The following KRT72 variants were observed in gnomAD, a reference collection of about 807,000 sequenced individuals.
KRT72 encodes the protein keratin 72.
KRT72 carries 44 observed loss-of-function variants against 44.7 expected under a neutral mutation model. That is an observed-to-expected ratio of 0.98 (90% CI 0.77 to 1.27). The LOEUF (loss-of-function observed/expected upper bound fraction) is 1.27, where lower values mean the gene tolerates loss of function less well. KRT72 is among the 50% of genes most tolerant of loss of function. The pLI, the probability that KRT72 is intolerant of heterozygous loss-of-function variation, is 0.00. For synonymous variants in KRT72, 302 were observed against 280.4 expected, an observed-to-expected ratio of 1.08 and a Z score of -0.77; for missense variants, 736 against 667.1, an observed-to-expected ratio of 1.10 and a Z score of -1.14.
chr12:52,597,172 G>C (rs1940254069), intron 2 of KRT72, among the ~76,000 whole-genome samples: 1 of 152,164 alleles, frequency 6.6e-6, no homozygotes, highest in African/African-American at 2.4e-5. Flanking sequence ...TTACACTTAT[G>C]ATTAAAAGGT....
At chr12:52,599,258 G>A (rs1432259682) in intron 1 of KRT72, 146 bp from the exon 2 acceptor site, 1 of 738,610 alleles carries the variant, frequency 1.4e-6, no homozygotes, top group South Asian at 1.5e-5. Flanking sequence ...ATTCAGCCGA[G>A]GGACATGCTC....
At chr12:52,599,170 G>T in intron 1 of KRT72, 58 bp from the exon 2 acceptor site, 1 of 1,565,420 alleles carries the variant, frequency 6.4e-7, no homozygotes, top group Non-Finnish European at 8.8e-7. Flanking sequence ...CTCAAGAGTG[G>T]GGAAAGGGCC....
chr12:52,591,476 C>G lies in KRT72; in HGVS notation c.951G>C (p.Leu317=). Residue 317 remains leucine, a synonymous_variant, in exon 5 of 9, where the codon CTG becomes CTC. Transcript: ENST00000293745. The part of the protein sequence containing the change: ...ALKSKAEAET[L]YQTKIQELQV... The stretch of plus-strand genomic sequence containing the variant: ...GGCACCAGCTCACCTTGGTCTGGTA[C>G]AGGGTCTCAGCCTCGGCCTTGCTCT... 3 of 1,613,754 alleles carry G rather than the reference C, an allele frequency of 1.9e-6. No homozygotes were observed. The highest frequency in any genetic ancestry group is 2.5e-6 in the Non-Finnish European group (3 of 1,179,744).
At chr12:52,594,635 A>G (rs1033130586) in intron 2 of KRT72, among the ~76,000 whole-genome samples, 1 of 152,190 alleles carries the variant, frequency 6.6e-6, no homozygotes, top group Admixed American at 6.5e-5. Context: ...TAGCATTGGG[A>G]GAAACACCCA....
rs774854917 is a variant in KRT72, at chr12:52,598,937, A to G, written c.602T>C (p.Leu201Pro). ...SGDGVRLDSE[L>P]RNMQDLVEDY... is the part of the protein sequence containing the mutation. ...CTCCACCAAATCCTGCATGTTCCTC[A>G]GCTCCGAATCCAGCCTCACCCCGTC... Residue 201 changes from leucine to proline, a missense_variant, in exon 2 of 9, where the codon CTG becomes CCG. Coordinates refer to ENST00000293745, the MANE Select transcript of KRT72 (RefSeq NM_080747.3). 6.2e-7 allele frequency: 1 copy of G among 1,614,170 alleles called. No homozygotes were observed.
chr12:52,590,467 C>T (rs1363418053), intron 6 of KRT72, among the ~76,000 whole-genome samples: 1 of 152,216 alleles, frequency 6.6e-6, no homozygotes, highest in Non-Finnish European at 1.5e-5. Flanking sequence ...TCCCTGCCAC[C>T]CCTGCTGAGC....
Position 52,587,679 on chromosome 12 carries a change from T to G in KRT72, c.1262A>C (p.Asp421Ala). 1.2e-6 allele frequency: 2 copies of G among 1,614,152 alleles called. No homozygotes were observed. Among genetic ancestry groups the G allele is most frequent in the Non-Finnish European group, 1.7e-6 (2 of 1,180,024 alleles). Residue 421 changes from aspartate to alanine, a missense_variant, in exon 7 of 9, where the codon GAT becomes GCT. Physicochemically the swap from Asp to Ala is moderately radical, Grantham distance 126. Transcript: ENST00000293745. Reference protein sequence around the residue: ...QELVSLKLALDMEIATYRKLL... With the variant: ...QELVSLKLALAMEIATYRKLL... ...CTTGCGGTAGGTGGCGATCTCCATA[T>G]CCAGGGCCAGCTTCAGGCTCACGAG... is the stretch of plus-strand genomic sequence containing the variant.
intron 3 of KRT72, among the ~76,000 whole-genome samples, 198 bp downstream of exon 3, chr12:52,592,694 A>C (rs1340313419): frequency 6.6e-6 from 1 of 152,206 alleles, no homozygotes; most frequent in Non-Finnish European, 1.5e-5. Context: ...AAATGCCCAG[A>C]TTTTAGACTG....
chr12:52,592,909 A>T lies in KRT72; in HGVS notation c.685T>A (p.Phe229Ile), dbSNP rs780161227. Residue 229 changes from phenylalanine to isoleucine, a missense_variant, in exon 3 of 9, where the codon TTT becomes ATT. Phe to Ile is a conservative substitution (Grantham distance 21). Coordinates refer to ENST00000293745, the MANE Select transcript of KRT72 (RefSeq NM_080747.3). ...CCTCTTACCTTCTTGAGCACCACAAACTCATTCTCAGCAGCTGTGCGTCTG... is the reference window on the plus strand; with the variant it reads ...CCTCTTACCTTCTTGAGCACCACAATCTCATTCTCAGCAGCTGTGCGTCTG... ...INRRTAAENE[F>I]VVLKKDVDAA... 6.2e-7 allele frequency: 1 copy of T among 1,613,408 alleles called. No individual in the cohort carries two copies. The highest frequency in any genetic ancestry group is 8.5e-7 in the Non-Finnish European group (1 of 1,179,740).
intron 2 of KRT72, among the ~76,000 whole-genome samples, chr12:52,596,827 A>G (rs1420841845): frequency 6.6e-6 from 1 of 152,216 alleles, no homozygotes; most frequent in African/African-American, 2.4e-5. Context: ...CTGGGATTAC[A>G]GGCCACAAGA....
intron 2 of KRT72, among the ~76,000 whole-genome samples, chr12:52,595,294 G>T (rs1940194896): frequency 6.6e-6 from 1 of 151,828 alleles, no homozygotes; most frequent in Admixed American, 6.6e-5. Flanking sequence ...ATAATTAAAA[G>T]TTAAATCATT....
chr12:52,601,053 T>C lies in KRT72; in HGVS notation c.400A>G (p.Asn134Asp). ...QEREQIKALN[N>D]KFASFIDKVR... ...TTGTCGATGAAGGAGGCGAACTTGTTGTTTAGCGCCTTGATCTGCTCCCGC... is the reference window on the plus strand; with the variant it reads ...TTGTCGATGAAGGAGGCGAACTTGTCGTTTAGCGCCTTGATCTGCTCCCGC... The change falls in exon 1 of 9, where the codon AAC becomes GAC. Residue 134 changes from asparagine (N) to aspartate (D), a missense_variant. By Grantham distance (23) the Asn-to-Asp change is conservative (BLOSUM62 1). Transcript: ENST00000293745. 6.2e-7 allele frequency: 1 copy of C among 1,611,934 alleles called. No individual in the cohort carries two copies. The highest frequency in any genetic ancestry group is 8.5e-7 in the Non-Finnish European group (1 of 1,179,324).
At chr12:52,594,898 C>T (rs1282968713) in intron 2 of KRT72, among the ~76,000 whole-genome samples, 1 of 152,144 alleles carries the variant, frequency 6.6e-6, no homozygotes, top group Non-Finnish European at 1.5e-5. Context: ...TATGATTTAT[C>T]CCAGATTCTG....
chr12:52,598,792 C>G, intron 2 of KRT72, 106 bp downstream of exon 2: 1 of 913,676 alleles, frequency 1.1e-6, no homozygotes, highest in Non-Finnish European at 1.8e-6. Flanking sequence ...ATGTTCCTCC[C>G]TCCCCCGGTA....
intron 1 of KRT72, chr12:52,599,454 G>A (rs1212622698): frequency 2.3e-5 from 11 of 469,886 alleles, no homozygotes; most frequent in African/African-American, 4.0e-5. Flanking sequence ...AGGGACTGGG[G>A]AGTGACATTG....
In KRT72 at chr12:52,591,647, G is replaced by A. The variant is rs768497145; in HGVS notation, c.799-19C>T. On this transcript the variant is annotated intron_variant, in intron 4 of 8. Transcript: ENST00000293745. ...TGATCTCCTGGGGACGGTTGGGGGA[G>A]GGGAGCTAGTTAAGGGGTACTCATG... 3.3e-5 allele frequency: 52 copies of A among 1,595,612 alleles called. No homozygotes were observed. In the East Asian group the frequency reaches 1.1e-3, roughly 34 times the overall value.
In KRT72 at chr12:52,591,735, C is replaced by T. The variant is rs138828050; in HGVS notation, c.799-107G>A. ...TCACTGTCCCTCTGCCTTTCCTCAG[C>T]GTTTGAACTCTGCCTCAGCACCAGT... On this transcript the variant is annotated intron_variant, in intron 4 of 8. Transcript: ENST00000293745. 201 of 1,121,212 alleles carry T rather than the reference C, an allele frequency of 1.8e-4. No homozygotes were observed. The African/African-American group carries it at 2.2e-3, about 12-fold the overall frequency. The allele number at this position is 1,121,212 out of a possible 1,614,324, so 69.5% of individuals were successfully genotyped here.
At chr12:52,592,245 C>T (rs2120754152) in intron 4 of KRT72, 151 bp downstream of exon 4, 1 of 643,472 alleles carries the variant, frequency 1.6e-6, no homozygotes, top group East Asian at 2.8e-5. Context: ...GCTCATTGTT[C>T]AGCACCCAGT....
At chr12:52,602,252 T>A (rs1173016169), upstream of KRT72, among the ~76,000 whole-genome samples, 1 of 152,134 alleles carries the variant, frequency 6.6e-6, no homozygotes, top group Non-Finnish European at 1.5e-5. Flanking sequence ...AGGCTTTCGG[T>A]TGTTTTCATT....
Sources: allele counts gnomAD v4.1 joint callset (sites outside exome capture counted in the v4.1 genomes callset), GRCh38; gene constraint gnomAD v4.1.1; transcripts MANE v1.5; gene names NCBI Gene and HGNC (gene_info 2026-07-23, HGNC 2026-07-21).